Variants in MEGF10 observed in about 807,000 individuals in gnomAD.
MEGF10 encodes the protein multiple EGF like domains 10.
In MEGF10, 86 loss-of-function variants were observed where a neutral mutation model predicts 147.5. The ratio of observed to expected loss-of-function variants is 0.58; its 90% CI spans 0.49 to 0.70. The LOEUF (loss-of-function observed/expected upper bound fraction) is 0.70, where lower values mean the gene tolerates loss of function less well. MEGF10 is among the 30% of genes least tolerant of loss of function. The pLI is 0.00. For synonymous variants in MEGF10, 478 were observed against 525.5 expected (o/e 0.91, Z 1.24); for missense variants, 1,329 against 1,487.3 (o/e 0.89, Z 1.75).
chr5:127,229,973 A>G, the MEGF10 span, among the ~76,000 whole-genome samples: 2 of 152,208 alleles, frequency 1.3e-5, no homozygotes, highest in African/African-American at 4.8e-5. Flanking sequence ...GGCAATTGAG[A>G]TAAATGAAAA....
intron 1 of MEGF10, among the ~76,000 whole-genome samples, chr5:127,329,926 G>A (rs1266262230): frequency 1.3e-5 from 2 of 152,132 alleles, no homozygotes; most frequent in African/African-American, 2.4e-5. Flanking sequence ...CGGGCCTGGC[G>A]CAGGTCCTAG....
intron 22 of MEGF10, among the ~76,000 whole-genome samples, chr5:127,450,989 C>T (rs1221824471): frequency 6.6e-6 from 1 of 152,126 alleles, no homozygotes; most frequent in Admixed American, 6.6e-5. Context: ...AAACTCCTGA[C>T]CTCAAGTGAT....
chr5:127,322,036 A>G (rs1760805483), intron 1 of MEGF10, among the ~76,000 whole-genome samples: 1 of 151,788 alleles, frequency 6.6e-6, no homozygotes, highest in Admixed American at 6.6e-5. Context: ...GGATTGGTCA[A>G]AGTGGAAATC....
intron 5 of MEGF10, among the ~76,000 whole-genome samples, chr5:127,386,827 G>C (rs1763452699): frequency 6.6e-6 from 1 of 152,206 alleles, no homozygotes; most frequent in Non-Finnish European, 1.5e-5. Context: ...TTGCTGGGCT[G>C]GGACATCCCA....
intron 4 of MEGF10, among the ~76,000 whole-genome samples, chr5:127,342,241 T>C (rs1761709616): frequency 6.6e-6 from 1 of 152,112 alleles, no homozygotes; most frequent in Non-Finnish European, 1.5e-5. Flanking sequence ...GGGTGGGGAT[T>C]GGGGAGGCCT....
intron 4 of MEGF10, 103 bp downstream of exon 4, chr5:127,340,733 T>C: frequency 1.1e-6 from 1 of 869,948 alleles, no homozygotes; most frequent in Non-Finnish European, 1.9e-6. Context: ...ATGGGTGTCT[T>C]GGAACATTCC....
At chr5:127,359,283 T>A (rs896429484) in intron 4 of MEGF10, among the ~76,000 whole-genome samples, 21 of 123,238 alleles carry the variant, frequency 1.7e-4, no homozygotes, top group African/African-American at 7.2e-4. Flanking sequence ...TAGCTCAGAT[T>A]TTTTTTTTTC....
upstream of MEGF10, among the ~76,000 whole-genome samples, chr5:127,290,376 G>A (rs930994767): frequency 1.3e-5 from 2 of 152,186 alleles, no homozygotes; most frequent in African/African-American, 4.8e-5. Flanking sequence ...GTCCACTCCA[G>A]TTGGCCGCTC....
At chr5:127,407,052 A>G (rs1205912462) in intron 8 of MEGF10, among the ~76,000 whole-genome samples, 2 of 152,190 alleles carry the variant, frequency 1.3e-5, no homozygotes, top group Non-Finnish European at 2.9e-5. Flanking sequence ...AAAGGTGAAG[A>G]TAAATGTGGG....
At chr5:127,317,321 T>C (rs1459716993) in intron 1 of MEGF10, among the ~76,000 whole-genome samples, 1 of 152,226 alleles carries the variant, frequency 6.6e-6, no homozygotes, top group Non-Finnish European at 1.5e-5. Context: ...GCTCTTTAGT[T>C]TAATTAGATC....
At chr5:127,386,394 T>G (rs922969715) in intron 5 of MEGF10, among the ~76,000 whole-genome samples, 6 of 152,230 alleles carry the variant, frequency 3.9e-5, no homozygotes, top group Non-Finnish European at 7.3e-5. Context: ...TTATGACATC[T>G]TTTTATACTG....
intron 4 of MEGF10, among the ~76,000 whole-genome samples, chr5:127,354,149 G>T (rs1762191681): frequency 2.0e-5 from 3 of 152,174 alleles, no homozygotes; most frequent in Admixed American, 2.0e-4. Flanking sequence ...ACTGTGGTTG[G>T]TGTCTATATG....
intron 5 of MEGF10, among the ~76,000 whole-genome samples, chr5:127,379,614 T>G (rs1191799633): frequency 1.0e-4 from 15 of 148,818 alleles, no homozygotes; most frequent in Non-Finnish European, 2.1e-4. Context: ...TTTTTTTTTT[T>G]TTTGAGACGG....
the MEGF10 span, among the ~76,000 whole-genome samples, chr5:127,250,003 C>T: frequency 6.6e-4 from 100 of 152,040 alleles, no homozygotes; most frequent in Admixed American, 2.0e-3. Context: ...AGGGAGGAGC[C>T]CTCATGGCCT....
rs558957122 is a variant in MEGF10, at chr5:127,368,185, C to T, written c.320-1725C>T. Among the ~76,000 whole-genome samples the T allele has an allele frequency of 2.6e-5, 4 of 152,242 alleles. No homozygotes were observed. The East Asian group carries it at 7.7e-4, about 29-fold the overall frequency. On this transcript the variant is annotated intron_variant, in intron 4 of 24. Coordinates refer to ENST00000503335, the MANE Select transcript of MEGF10 (RefSeq NM_001256545.2). ...AGCAAAAATCAAAATAGTGCAGGGC[C>T]AGTGTGTTCATATGTTACAGGCAAG...
chr5:127,347,667 A>C (rs1193399183), intron 4 of MEGF10, among the ~76,000 whole-genome samples: 1 of 152,102 alleles, frequency 6.6e-6, no homozygotes, highest in African/African-American at 2.4e-5. Context: ...AGTGGAGTGC[A>C]CATGACCAAT....
chr5:127,443,364 A>G (rs1262676671), intron 19 of MEGF10, among the ~76,000 whole-genome samples: 1 of 152,238 alleles, frequency 6.6e-6, no homozygotes, highest in Non-Finnish European at 1.5e-5. Flanking sequence ...CTAATACTAG[A>G]ATATGTCACA....
chr5:127,416,641 C>T (rs1463694682), intron 9 of MEGF10, among the ~76,000 whole-genome samples: 2 of 152,094 alleles, frequency 1.3e-5, no homozygotes, highest in Non-Finnish European at 2.9e-5. Flanking sequence ...CAAAAATGAG[C>T]ACCAAACTGT....
chr5:127,346,470 AT>A (rs1761899088), intron 4 of MEGF10, among the ~76,000 whole-genome samples: 1 of 152,058 alleles, frequency 6.6e-6, no homozygotes, highest in Non-Finnish European at 1.5e-5. Flanking sequence ...GCTGTTGAGC[AT>A]TTTTTCATAT....
Sources: gnomAD v4.1 joint callset for allele counts (sites outside exome capture counted in the v4.1 genomes callset) on GRCh38, gnomAD v4.1.1 for gene constraint, MANE v1.5 for transcripts, NCBI Gene and HGNC (gene_info 2026-07-23, HGNC 2026-07-21) for gene names.